The following ASIC2 variants were observed in gnomAD, a reference collection of about 807,000 sequenced individuals.
The protein encoded by ASIC2 is acid-sensing ion channel 2.
A neutral mutation model predicts 57.3 loss-of-function variants in ASIC2; 25 were observed. The ratio of observed to expected loss-of-function variants is 0.44; its 90% CI spans 0.32 to 0.61. The LOEUF (loss-of-function observed/expected upper bound fraction) is 0.61. Among genes scored for constraint, ASIC2 ranks in the 20% least tolerant of loss-of-function variants. The pLI is 0.06. For missense variants in ASIC2, 641 were observed against 738.1 expected, an observed-to-expected ratio of 0.87 and a Z score of 1.52; for synonymous variants, 319 against 307.5, an observed-to-expected ratio of 1.04 and a Z score of -0.39.
chr17:33,905,488 G>T (rs1915328218), intron 1 of ASIC2, among the ~76,000 whole-genome samples: 1 of 152,200 alleles, frequency 6.6e-6, no homozygotes, highest in African/African-American at 2.4e-5. Context: ...TCTGCTGCTG[G>T]CTTCAGAGGC....
chr17:33,200,527 A>G (rs1394510086), intron 1 of ASIC2, among the ~76,000 whole-genome samples: 1 of 152,170 alleles, frequency 6.6e-6, no homozygotes, highest in Non-Finnish European at 1.5e-5. Context: ...TTCATTGCAG[A>G]TGGAAGCTTC....
intron 1 of ASIC2, among the ~76,000 whole-genome samples, chr17:34,022,724 A>G (rs1907224798): frequency 6.6e-6 from 1 of 152,122 alleles, no homozygotes; most frequent in Non-Finnish European, 1.5e-5. Flanking sequence ...GGCATGAAGA[A>G]GTGGTTCATT....
chr17:33,273,204 A>G (rs1259705383), intron 1 of ASIC2, among the ~76,000 whole-genome samples: 1 of 152,244 alleles, frequency 6.6e-6, no homozygotes, highest in African/African-American at 2.4e-5. Flanking sequence ...GAAAAAAATT[A>G]CAAAATTAAA....
At chr17:34,044,101 C>T (rs1267016127) in intron 1 of ASIC2, among the ~76,000 whole-genome samples, 1 of 132,316 alleles carries the variant, frequency 7.6e-6, no homozygotes, top group Non-Finnish European at 1.6e-5. Context: ...ACCCTTGAAT[C>T]ACACACACAC....
At chr17:33,959,748 T>G (rs1904859292) in intron 1 of ASIC2, among the ~76,000 whole-genome samples, 1 of 152,202 alleles carries the variant, frequency 6.6e-6, no homozygotes, top group Admixed American at 6.5e-5. Context: ...AGATTGAAGG[T>G]TGGTCTGCCT....
intron 1 of ASIC2, among the ~76,000 whole-genome samples, chr17:33,249,209 G>A (rs1908799192): frequency 6.6e-6 from 1 of 152,194 alleles, no homozygotes; most frequent in Non-Finnish European, 1.5e-5. Flanking sequence ...TGTCCTCACC[G>A]AGATACAGAA....
At position 33,928,310 on chromosome 17, in the gene ASIC2, C is replaced by T. The variant is rs530725985; in HGVS notation, c.555+227668G>A. On this transcript the variant is annotated intron_variant, in intron 1 of 9. Coordinates refer to the ASIC2 transcript ENST00000359872. ...GTGCCTCTTCCCACCAGCATAGTGT[C>T]CTGGTACGGCAGGGACTCTGCAGCG... is the stretch of plus-strand genomic sequence containing the variant. 2.6e-3 allele frequency among the ~76,000 whole-genome samples: 391 copies of T among 152,326 alleles called. 2 individuals carry two copies. Among genetic ancestry groups the T allele is most frequent in the African/African-American group, 8.7e-3 (360 of 41,574 alleles).
At chr17:33,326,939 G>A (rs1907103694) in intron 1 of ASIC2, among the ~76,000 whole-genome samples, 1 of 152,038 alleles carries the variant, frequency 6.6e-6, no homozygotes, top group African/African-American at 2.4e-5. Flanking sequence ...CATCTCCCAA[G>A]TGCTTGCCCA....
intron 1 of ASIC2, among the ~76,000 whole-genome samples, chr17:33,695,528 T>G (rs1001542539): frequency 6.6e-6 from 1 of 152,360 alleles, no homozygotes; most frequent in East Asian, 1.9e-4. Flanking sequence ...TAAAAAAGCT[T>G]TAGTTCTTAA....
intron 1 of ASIC2, among the ~76,000 whole-genome samples, chr17:33,247,313 G>A (rs189594302): frequency 6.6e-6 from 1 of 152,020 alleles, no homozygotes. Context: ...TATATATTTC[G>A]TGAAATAAGT....
chr17:33,176,750 G>A (rs1424793487), intron 1 of ASIC2, among the ~76,000 whole-genome samples: 1 of 152,198 alleles, frequency 6.6e-6, no homozygotes, highest in African/African-American at 2.4e-5. Context: ...CACAGGTGAG[G>A]AAACTGAGGC....
chr17:33,347,122 A>G (rs978522581), intron 1 of ASIC2, among the ~76,000 whole-genome samples: 21 of 152,162 alleles, frequency 1.4e-4, no homozygotes, highest in Admixed American at 5.9e-4. Flanking sequence ...TTATAGAAGC[A>G]AGCTCTTGGG....
chr17:33,312,282 C>G (rs1326982405), intron 1 of ASIC2, among the ~76,000 whole-genome samples: 1 of 152,140 alleles, frequency 6.6e-6, no homozygotes, highest in Non-Finnish European at 1.5e-5. Flanking sequence ...TGGCAGCATT[C>G]TAAACTGTTA....
chr17:33,290,452 T>TG (rs148354618), intron 1 of ASIC2, among the ~76,000 whole-genome samples: 52 of 152,356 alleles, frequency 3.4e-4, no homozygotes, highest in African/African-American at 1.2e-3. Flanking sequence ...TGCATCATGC[T>TG]GGGGCCTGGC....
At chr17:33,432,776 C>G (rs961182718) in intron 1 of ASIC2, among the ~76,000 whole-genome samples, 1 of 152,060 alleles carries the variant, frequency 6.6e-6, no homozygotes, top group Non-Finnish European at 1.5e-5. Flanking sequence ...AGAAGATATA[C>G]ACGTGACCAA....
intron 1 of ASIC2, among the ~76,000 whole-genome samples, chr17:33,253,637 G>C (rs889983455): frequency 4.6e-5 from 7 of 152,176 alleles, no homozygotes; most frequent in African/African-American, 1.7e-4. Flanking sequence ...GGATGGCCCA[G>C]GCAGCCAGAG....
chr17:33,269,087 T>G (rs1904342227), intron 1 of ASIC2, among the ~76,000 whole-genome samples: 1 of 152,216 alleles, frequency 6.6e-6, no homozygotes, highest in African/African-American at 2.4e-5. Context: ...CTGCAGGAAG[T>G]GCATTGTGAG....
At chr17:33,250,943 A>G (rs1219188162) in intron 1 of ASIC2, among the ~76,000 whole-genome samples, 3 of 152,234 alleles carry the variant, frequency 2.0e-5, no homozygotes, top group Non-Finnish European at 4.4e-5. Context: ...GTGCAAAAAC[A>G]TATTTATGTG....
chr17:33,760,901 T>TG (rs1459091418), intron 1 of ASIC2, among the ~76,000 whole-genome samples: 1 of 152,202 alleles, frequency 6.6e-6, no homozygotes, highest in Non-Finnish European at 1.5e-5. Flanking sequence ...CCTGATTTTG[T>TG]GAAATGCATG....
Sources: gnomAD v4.1 joint callset for allele counts (sites outside exome capture counted in the v4.1 genomes callset) on GRCh38, gnomAD v4.1.1 for gene constraint, MANE v1.5 for transcripts, NCBI Gene and HGNC (gene_info 2026-07-23, HGNC 2026-07-21) for gene names.